The following FSIP2 variants were observed in gnomAD, a reference collection of about 807,000 sequenced individuals.
The protein encoded by FSIP2 is fibrous sheath-interacting protein 2.
FSIP2 carries 367 observed loss-of-function variants against 510.5 expected under a neutral mutation model. The ratio of observed to expected loss-of-function variants is 0.72; its 90% CI spans 0.66 to 0.78. The LOEUF (loss-of-function observed/expected upper bound fraction) is 0.78, where lower values mean the gene tolerates loss of function less well. FSIP2 is among the 30% of genes least tolerant of loss of function. The pLI is 0.00. For synonymous variants in FSIP2, 2,601 were observed against 2,732.2 expected, an observed-to-expected ratio of 0.95 and a Z score of 1.50; for missense variants, 7,594 against 7,901.7, an observed-to-expected ratio of 0.96 and a Z score of 1.48.
intron 19 of FSIP2, among the ~76,000 whole-genome samples, chr2:185,821,945 C>T (rs1436770699): frequency 1.4e-5 from 2 of 146,950 alleles, no homozygotes; most frequent in African/African-American, 2.5e-5. Flanking sequence ...AAAAAAAAAT[C>T]GATGTAATAC....
rs1278210733 is a variant in FSIP2, at chr2:185,797,254, G to A, written c.10118G>A (p.Gly3373Glu). 8 of 1,534,454 alleles carry A rather than the reference G, an allele frequency of 5.2e-6. No homozygotes were observed. The highest frequency in any genetic ancestry group is 7.0e-6 in the Non-Finnish European group (8 of 1,146,108). Residue 3373 changes from glycine to glutamate, a missense_variant, in exon 16 of 23, where the codon GGG becomes GAG. Gly to Glu is a moderately conservative substitution (Grantham distance 98). Transcript: ENST00000424728. The part of the protein sequence containing the change: ...KQSSLSEVSG[G>E]QKDNEKSLLR... ...AGCTCTTTATCTGAAGTATCTGGAGGGCAAAAGGATAACGAAAAAAGTTTG... is the reference window on the plus strand; with the variant it reads ...AGCTCTTTATCTGAAGTATCTGGAGAGCAAAAGGATAACGAAAAAAGTTTG...
rs760839288 is a variant in FSIP2 at position 185,806,308 on chromosome 2, G to A, written c.17002G>A (p.Glu5668Lys). 5.6e-6 allele frequency: 9 copies of A among 1,608,396 alleles called. No individual in the cohort carries two copies. The Admixed American group carries it at 1.0e-4, about 18-fold the overall frequency. Residue 5668 changes from glutamate to lysine, a missense_variant, in exon 17 of 23, where the codon GAG becomes AAG. Coordinates refer to ENST00000424728, the MANE Select transcript of FSIP2 (RefSeq NM_173651.4). ...CTCTCCAACACAAACGTGTAGGGAT[G>A]AGGAACACCACTCAGATTATGAACA... is the stretch of plus-strand genomic sequence containing the variant. ...RDSPTQTCRDEEHHSDYEHVQ... is the reference protein window; with the variant it reads ...RDSPTQTCRDKEHHSDYEHVQ...
In FSIP2 at chr2:185,790,914, AATGAT is replaced by A. The variant is rs755614427; in HGVS notation, c.3780_3784del (p.Asn1260LysfsTer8). 7.1e-5 allele frequency: 109 copies of A among 1,527,240 alleles called. No homozygotes were observed. Among genetic ancestry groups the A allele is most frequent in the Non-Finnish European group, 7.1e-5 (81 of 1,143,556 alleles). 94.6% of individuals were successfully genotyped at this position (1,527,240 alleles called of 1,614,324 possible). A position where few individuals can be genotyped will look rare whatever the true frequency, so the allele number is the denominator to read the frequency against. On this transcript the variant is annotated frameshift_variant, in exon 16 of 23. Coordinates refer to ENST00000424728, the MANE Select transcript of FSIP2 (RefSeq NM_173651.4). LOFTEE classifies it high-confidence loss of function. ...TGAACCTAAACCTGTAGATGACATT[AATGAT>A]AAGATCATTCGTACAATTTTTAAAA... is the stretch of plus-strand genomic sequence containing the variant.
At chr2:185,771,573 G>C (rs1692608872) in intron 13 of FSIP2, among the ~76,000 whole-genome samples, 1 of 152,188 alleles carries the variant, frequency 6.6e-6, no homozygotes, top group African/African-American at 2.4e-5. Flanking sequence ...TCCTGAGGCT[G>C]AGCAGAGGAT....
intron 6 of FSIP2, among the ~76,000 whole-genome samples, 198 bp downstream of exon 6, chr2:185,747,008 A>T (rs1315219152): frequency 6.6e-6 from 1 of 152,114 alleles, no homozygotes; most frequent in Admixed American, 6.6e-5. Context: ...GTACGTATAT[A>T]AGCCAATTTC....
chr2:185,797,470 T>G lies in FSIP2; in HGVS notation c.10334T>G (p.Ile3445Arg). The G allele has an allele frequency of 6.6e-7, 1 of 1,523,358 alleles. No individual in the cohort carries two copies. The highest frequency in any genetic ancestry group is 8.7e-7 in the Non-Finnish European group (1 of 1,143,310). The allele number at this position is 1,523,358 out of a possible 1,614,324, so 94.4% of individuals were successfully genotyped here. ...HEMGSNEVHL[I>R]ARHVTTSVVT... ...ATGGGTTCCAATGAAGTTCATCTGA[T>G]AGCAAGACATGTCACCACATCTGTG... The change falls in exon 16 of 23, where the codon ATA (isoleucine) becomes AGA (arginine). Residue 3445 changes from isoleucine (I) to arginine (R), a missense_variant. By Grantham distance (97) the Ile-to-Arg change is moderately conservative. Transcript: ENST00000424728.
intron 10 of FSIP2, among the ~76,000 whole-genome samples, 165 bp from the exon 11 acceptor site, chr2:185,761,807 A>G (rs1692358176): frequency 6.6e-6 from 1 of 151,202 alleles, no homozygotes; most frequent in Admixed American, 6.6e-5. Flanking sequence ...TATGAAAGGT[A>G]TCCTAGGAGG....
intron 9 of FSIP2, among the ~76,000 whole-genome samples, chr2:185,759,270 A>G (rs1692303144): frequency 6.7e-6 from 1 of 150,002 alleles, no homozygotes; most frequent in African/African-American, 2.4e-5. Flanking sequence ...TGACTTTGAC[A>G]TAATCACACG....
chr2:185,758,235 A>G (rs1692282038), intron 9 of FSIP2, among the ~76,000 whole-genome samples: 1 of 151,102 alleles, frequency 6.6e-6, no homozygotes, highest in Non-Finnish European at 1.5e-5. Flanking sequence ...AGAAATTTGA[A>G]ATTTTGGGTT....
intron 13 of FSIP2, among the ~76,000 whole-genome samples, chr2:185,772,664 C>T (rs1202310513): frequency 6.6e-6 from 1 of 152,170 alleles, no homozygotes; most frequent in African/African-American, 2.4e-5. Flanking sequence ...CAGGCCTCAC[C>T]TCCAACACTG....
In FSIP2 at chr2:185,807,293, A is replaced by G. The variant is rs1291481782; in HGVS notation, c.17987A>G (p.Lys5996Arg). The G allele has an allele frequency of 6.2e-7, 1 of 1,612,854 alleles. No individual in the cohort carries two copies. Among genetic ancestry groups the G allele is most frequent in the Non-Finnish European group, 8.5e-7 (1 of 1,179,218 alleles). ...KVQKLAQTAS[K>R]ECQTSSPYTI... ...CAAAAGTTGGCCCAAACAGCCAGCAAAGAATGTCAAACTTCATCACCATAT... is the reference window on the plus strand; with the variant it reads ...CAAAAGTTGGCCCAAACAGCCAGCAGAGAATGTCAAACTTCATCACCATAT... The change falls in exon 17 of 23, where the codon AAA (lysine) becomes AGA (arginine). Residue 5996 changes from lysine (K) to arginine (R), a missense_variant. Coordinates refer to ENST00000424728, the MANE Select transcript of FSIP2 (RefSeq NM_173651.4).
At chr2:185,763,694 G>C (rs966622197) in intron 12 of FSIP2, among the ~76,000 whole-genome samples, 2 of 151,492 alleles carry the variant, frequency 1.3e-5, no homozygotes, top group African/African-American at 4.8e-5. Context: ...TGTATCTTTG[G>C]TTTCATCATT....
In FSIP2 at chr2:185,801,958, T is replaced by C. The variant is rs764840495; in HGVS notation, c.12652T>C (p.Tyr4218His). The C allele has an allele frequency of 2.6e-6, 4 of 1,523,034 alleles. No homozygotes were observed. Among genetic ancestry groups the C allele is most frequent in the Middle Eastern group, 3.4e-4 (2 of 5,912 alleles). 94.3% of individuals were successfully genotyped at this position (1,523,034 alleles called of 1,614,324 possible). ...KNLQKMVDSV[Y>H]CNILQMSDSL... ...CCTCCAAAAGATGGTGGATTCTGTA[T>C]ATTGTAATATTTTGCAAATGTCTGA... is the stretch of plus-strand genomic sequence containing the variant. Residue 4218 changes from tyrosine to histidine, a missense_variant, in exon 17 of 23, where the codon TAT (tyrosine) becomes CAT (histidine). Tyr to His is a moderately conservative substitution (Grantham distance 83). Transcript: ENST00000424728.
chr2:185,793,248 G>A lies in FSIP2; in HGVS notation c.6112G>A (p.Ala2038Thr). Reference protein sequence around the residue: ...THDIGISESIASQIVNALLDI... With the variant: ...THDIGISESITSQIVNALLDI... ...TGACATTGGGATTTCTGAAAGTATT[G>A]CAAGTCAAATTGTTAACGCATTGTT... Residue 2038 changes from alanine to threonine, a missense_variant, in exon 16 of 23, where the codon GCA (alanine) becomes ACA (threonine). By Grantham distance (58) the Ala-to-Thr change is moderately conservative (BLOSUM62 0). Coordinates refer to ENST00000424728, the MANE Select transcript of FSIP2 (RefSeq NM_173651.4). 1.3e-6 allele frequency: 2 copies of A among 1,534,054 alleles called. No individual in the cohort carries two copies. The highest frequency in any genetic ancestry group is 1.2e-5 in the South Asian group (1 of 83,920).
chr2:185,830,628 G>A (rs932910166), intron 21 of FSIP2, among the ~76,000 whole-genome samples: 1 of 151,724 alleles, frequency 6.6e-6, no homozygotes, highest in African/African-American at 2.4e-5. Flanking sequence ...TTCTTATGCT[G>A]TATTATTTAT....
chr2:185,804,933 A>G lies in FSIP2; in HGVS notation c.15627A>G (p.Gln5209=). 1 of 1,527,832 alleles carries G rather than the reference A, an allele frequency of 6.5e-7. No individual in the cohort carries two copies. Among genetic ancestry groups the G allele is most frequent in the Non-Finnish European group, 8.7e-7 (1 of 1,143,930 alleles). The allele number at this position is 1,527,832 out of a possible 1,614,324, so 94.6% of individuals were successfully genotyped here. A position where few individuals can be genotyped will look rare whatever the true frequency, so the allele number is the denominator to read the frequency against. ...CATCTGAATTCCAAGCTGAAGTACA[A>G]AAAGATGCAGACAAAAAAGGATGCT... ...LKTSEFQAEV[Q]KDADKKGCSF... is the part of the protein sequence containing the mutation. Residue 5209 remains glutamine (Q), a synonymous_variant, in exon 17 of 23, where the codon CAA becomes CAG. Transcript: ENST00000424728.
chr2:185,798,054 G>C (rs1693334945), intron 16 of FSIP2, among the ~76,000 whole-genome samples: 1 of 151,944 alleles, frequency 6.6e-6, no homozygotes, highest in South Asian at 2.1e-4. Flanking sequence ...TTCAGGATTT[G>C]AATTTGAAGG....
intron 7 of FSIP2, among the ~76,000 whole-genome samples, chr2:185,753,154 CTGT>C (rs1282695956): frequency 2.0e-5 from 3 of 151,332 alleles, no homozygotes; most frequent in African/African-American, 7.3e-5. Flanking sequence ...GTTGCAGTGA[CTGT>C]TTTCTCCAGT....
Position 185,803,103 on chromosome 2 carries a change from T to C in FSIP2, c.13797T>C (p.Ser4599=). ...LQPFVSGKSL[S]SSDTYFDDER... ...CATTTGTGAGTGGAAAATCATTATC[T>C]TCATCAGACACATATTTTGATGATG... The change falls in exon 17 of 23, where the codon TCT becomes TCC. Residue 4599 remains serine, a synonymous_variant. Transcript: ENST00000424728. 1 of 1,516,510 alleles carries C rather than the reference T, an allele frequency of 6.6e-7. No individual in the cohort carries two copies. The highest frequency in any genetic ancestry group is 8.8e-7 in the Non-Finnish European group (1 of 1,138,502). 93.9% of individuals were successfully genotyped at this position (1,516,510 alleles called of 1,614,324 possible).
Sources: gnomAD v4.1 joint callset for allele counts (sites outside exome capture counted in the v4.1 genomes callset) on GRCh38, gnomAD v4.1.1 for gene constraint, MANE v1.5 for transcripts, NCBI Gene and HGNC (gene_info 2026-07-23, HGNC 2026-07-21) for gene names.